Variants in EEF2K observed in about 807,000 individuals in gnomAD.
EEF2K encodes alternative protein EEF2K.
A neutral mutation model predicts 93.8 loss-of-function variants in EEF2K; 70 were observed. The observed-to-expected ratio is 0.75, with a 90% confidence interval of 0.62 to 0.91. The LOEUF (loss-of-function observed/expected upper bound fraction) is 0.91, where lower values mean the gene tolerates loss of function less well. EEF2K is among the 40% of genes least tolerant of loss of function. The pLI, the probability that EEF2K is intolerant of heterozygous loss-of-function variation, is 0.00. For synonymous variants in EEF2K, 376 were observed against 380.8 expected, an observed-to-expected ratio of 0.99 and a Z score of 0.15; for missense variants, 935 against 972.9, an observed-to-expected ratio of 0.96 and a Z score of 0.52.
At chr16:22,256,688 C>A in intron 6 of EEF2K, 60 bp from the exon 7 acceptor site, 3 of 1,564,474 alleles carry the variant, frequency 1.9e-6, no homozygotes, top group South Asian at 2.4e-5. Flanking sequence ...CTCCCCTTGC[C>A]GCTTCTCAGA....
intron 13 of EEF2K, among the ~76,000 whole-genome samples, chr16:22,265,552 C>G (rs2047508376): frequency 6.6e-6 from 1 of 152,208 alleles, no homozygotes; most frequent in South Asian, 2.1e-4. Flanking sequence ...TCTCCCAGAA[C>G]ACTGATTATT....
chr16:22,219,867 G>A (rs994549767), intron 1 of EEF2K, among the ~76,000 whole-genome samples: 2 of 152,140 alleles, frequency 1.3e-5, no homozygotes, highest in Non-Finnish European at 2.9e-5. Flanking sequence ...AGGGCCATCC[G>A]CCTCATGGTC....
intron 6 of EEF2K, among the ~76,000 whole-genome samples, chr16:22,256,452 C>T (rs1459388928): frequency 1.3e-5 from 2 of 152,098 alleles, no homozygotes; most frequent in African/African-American, 4.8e-5. Context: ...CCAGGCTGGT[C>T]TCGAACTCCT....
At chr16:22,265,219 A>C in intron 13 of EEF2K, 1 of 206,720 alleles carries the variant, frequency 4.8e-6, no homozygotes, top group Non-Finnish European at 9.9e-6. Context: ...GGCTAATGTG[A>C]CTCTCATCCC....
At chr16:22,220,601 G>T (rs145907329) in intron 1 of EEF2K, among the ~76,000 whole-genome samples, 2 of 152,090 alleles carry the variant, frequency 1.3e-5, no homozygotes, top group Non-Finnish European at 1.5e-5. Flanking sequence ...ACACCACCAC[G>T]CCCGGCTAAT....
chr16:22,278,751 A>T (rs2047664963), intron 16 of EEF2K, among the ~76,000 whole-genome samples: 1 of 152,120 alleles, frequency 6.6e-6, no homozygotes, highest in African/African-American at 2.4e-5. Context: ...CACCCAAAGA[A>T]AAAGAGCCCT....
At chr16:22,221,489 T>C (rs2047011024) in intron 1 of EEF2K, among the ~76,000 whole-genome samples, 1 of 150,916 alleles carries the variant, frequency 6.6e-6, no homozygotes, top group Non-Finnish European at 1.5e-5. Flanking sequence ...AAAAAAAAAA[T>C]AGCAAGAGCG....
intron 1 of EEF2K, among the ~76,000 whole-genome samples, chr16:22,208,661 G>A (rs2046886955): frequency 1.3e-5 from 2 of 151,836 alleles, no homozygotes; most frequent in South Asian, 4.1e-4. Flanking sequence ...CACTTTGGGG[G>A]TGCTGAGGCG....
At chr16:22,256,013 A>G (rs1236311027) in intron 6 of EEF2K, among the ~76,000 whole-genome samples, 1 of 152,034 alleles carries the variant, frequency 6.6e-6, no homozygotes, top group Non-Finnish European at 1.5e-5. Flanking sequence ...TCCTGGGTTA[A>G]AGTGATACTC....
rs921237048 is a variant in EEF2K at position 22,231,286 on chromosome 16, T to A, written c.246+5311T>A. ...TATTTGTTTATTTATTTATTTATTT[T>A]TTGTATATTTAGTAGAGACGGGGGT... On this transcript the variant is annotated intron_variant, in intron 2 of 17. Transcript: ENST00000263026. Among the ~76,000 whole-genome samples, 9 of 149,648 alleles carry A rather than the reference T, an allele frequency of 6.0e-5. No individual in the cohort carries two copies. In the South Asian group the frequency reaches 8.3e-4, roughly 14 times the overall value.
At chr16:22,243,012 G>A (rs187719675) in intron 2 of EEF2K, among the ~76,000 whole-genome samples, 58 of 151,798 alleles carry the variant, frequency 3.8e-4, no homozygotes, top group Middle Eastern at 6.8e-3. Flanking sequence ...CACCTGAGCC[G>A]TGATCATGCC....
intron 4 of EEF2K, among the ~76,000 whole-genome samples, 157 bp downstream of exon 4, chr16:22,248,972 A>AT (rs201664759): frequency 0.037 from 4,714 of 126,492 alleles, 256 homozygotes; most frequent in African/African-American, 0.1. Flanking sequence ...TGTAGCCAGC[A>AT]TTTTTTTTTT....
In EEF2K at chr16:22,258,589, C is replaced by T. The variant is rs761579720; in HGVS notation, c.1125C>T (p.Pro375=). The T allele has an allele frequency of 2.5e-6, 4 of 1,614,154 alleles. No individual in the cohort carries two copies. The highest frequency in any genetic ancestry group is 3.4e-6 in the Non-Finnish European group (4 of 1,180,032). ...LSGSRPPLLR[P]LSENSGDENM... is the part of the protein sequence containing the mutation. Reference sequence around the variant, plus strand: ...GGAGCCGGCCACCCCTGCTCCGTCCCCTTTCAGAGAACTCTGGAGACGAGA... The same window carrying T: ...GGAGCCGGCCACCCCTGCTCCGTCCTCTTTCAGAGAACTCTGGAGACGAGA... The change falls in exon 10 of 18, where the codon CCC becomes CCT. Residue 375 remains proline, a synonymous_variant. Coordinates refer to ENST00000263026, the MANE Select transcript of EEF2K (RefSeq NM_013302.5).
At chr16:22,265,875 G>A (rs1222612155) in intron 13 of EEF2K, among the ~76,000 whole-genome samples, 2 of 152,156 alleles carry the variant, frequency 1.3e-5, no homozygotes, top group East Asian at 3.9e-4. Flanking sequence ...GGATTTGCTG[G>A]AAGGTCTGAA....
rs1174346974 is a variant in EEF2K at position 22,286,765 on chromosome 16, G to A, written c.*2769G>A. The A allele has an allele frequency of 6.6e-6, 1 of 152,216 alleles. No homozygotes were observed. The highest frequency in any genetic ancestry group is 1.5e-5 in the Non-Finnish European group (1 of 68,070). 9.4% of individuals were successfully genotyped at this position (152,216 alleles called of 1,614,324 possible). On this transcript the variant is annotated 3_prime_UTR_variant, in exon 18 of 18. Coordinates refer to ENST00000263026, the MANE Select transcript of EEF2K (RefSeq NM_013302.5). ...CAGGGCACCAAAACACAGTGCTTTG[G>A]CATAGAGTAGGCACTCAACAAGTGT...
At chr16:22,281,659 C>T (rs1196898618) in intron 17 of EEF2K, among the ~76,000 whole-genome samples, 1 of 152,190 alleles carries the variant, frequency 6.6e-6, no homozygotes, top group African/African-American at 2.4e-5. Context: ...CCGAACCTAG[C>T]AGCCACTATA....
intron 15 of EEF2K, among the ~76,000 whole-genome samples, chr16:22,270,847 G>A (rs1459634423): frequency 1.3e-5 from 2 of 152,224 alleles, no homozygotes; most frequent in East Asian, 3.9e-4. Flanking sequence ...CTTAGATGGT[G>A]AGGAGGAGGT....
chr16:22,217,230 G>GATAGAT (rs200590599), intron 1 of EEF2K, among the ~76,000 whole-genome samples: 69 of 133,872 alleles, frequency 5.2e-4, no homozygotes, highest in South Asian at 2.8e-3. Context: ...TAGATAGATA[G>GATAGAT]AGAGAGAGAG....
rs2047059047 is a variant in EEF2K, at chr16:22,225,917, T to C, written c.188T>C (p.Leu63Pro). ...NSKVNKYYSN[L>P]TKSERYSSSG... ...AAGGTTAATAAGTACTACAGCAACC[T>C]AACAAAAAGTGAGCGGTATAGCTCC... is the stretch of plus-strand genomic sequence containing the variant. Residue 63 changes from leucine to proline, a missense_variant, in exon 2 of 18, where the codon CTA becomes CCA. Leu to Pro is a moderately conservative substitution (Grantham distance 98, BLOSUM62 -3). Coordinates refer to ENST00000263026, the MANE Select transcript of EEF2K (RefSeq NM_013302.5). 1.2e-6 allele frequency: 2 copies of C among 1,613,968 alleles called. No individual in the cohort carries two copies. The highest frequency in any genetic ancestry group is 3.3e-5 in the Admixed American group (2 of 59,958).
Sources: gnomAD v4.1 joint callset for allele counts (sites outside exome capture counted in the v4.1 genomes callset) on GRCh38, gnomAD v4.1.1 for gene constraint, MANE v1.5 for transcripts, NCBI Gene and HGNC (gene_info 2026-07-23, HGNC 2026-07-21) for gene names.